FAT1: variants seen among roughly 807,000 people sequenced by gnomAD.
The protein encoded by FAT1 is FAT atypical cadherin 1.
FAT1 carries 171 observed loss-of-function variants against 329.8 expected under a neutral mutation model. That is an observed-to-expected ratio of 0.52 (90% confidence interval 0.46 to 0.59). FAT1 has a LOEUF of 0.59. FAT1 is among the 20% of genes least tolerant of loss of function. The probability of loss-of-function intolerance (pLI) is 0.00; values close to 1 mark genes in which losing one functional copy is unlikely to be tolerated. For missense variants in FAT1, 5,672 were observed against 5,774.4 expected (o/e 0.98, Z 0.57); for synonymous variants, 2,233 against 2,228.6 (o/e 1.00, Z -0.06).
intron 26 of FAT1, among the ~76,000 whole-genome samples, chr4:186,594,709 C>G (rs1452781226): frequency 7.5e-5 from 10 of 133,322 alleles, no homozygotes; most frequent in African/African-American, 1.4e-4. Flanking sequence ...TACTTGAAAT[C>G]AGAAATGATA....
intron 2 of FAT1, among the ~76,000 whole-genome samples, chr4:186,683,192 C>T (rs1743305531): frequency 6.6e-6 from 1 of 152,180 alleles, no homozygotes; most frequent in African/African-American, 2.4e-5. Flanking sequence ...TCTAAGGAGG[C>T]CATGCACACC....
intron 2 of FAT1, among the ~76,000 whole-genome samples, chr4:186,698,150 C>T (rs1368471147): frequency 6.6e-6 from 1 of 152,152 alleles, no homozygotes. Flanking sequence ...CTCTATCAGC[C>T]ACTGTGCTTA....
intron 1 of FAT1, among the ~76,000 whole-genome samples, chr4:186,721,082 A>G (rs990249748): frequency 7.2e-5 from 11 of 152,246 alleles, no homozygotes; most frequent in Non-Finnish European, 1.5e-4. Flanking sequence ...TCTAACCTTA[A>G]TATTCTATGA....
rs2126517125 is a variant in FAT1, at chr4:186,620,589, A to G, written c.5997T>C (p.Ala1999=). 3 of 1,613,950 alleles carry G rather than the reference A, an allele frequency of 1.9e-6. No homozygotes were observed. Among genetic ancestry groups the G allele is most frequent in the African/African-American group, 1.3e-5 (1 of 75,052 alleles). ...KENSTEAETL[A]VITAIGNPIN... is the part of the protein sequence containing the mutation. ...TTGGATTCCCAATAGCAGTAATGAC[A>G]GCTAATGTTTCGGCCTCGGTGGAAT... Residue 1999 remains alanine, a synonymous_variant, in exon 10 of 27, where the codon GCT becomes GCC. Coordinates refer to ENST00000441802, the MANE Select transcript of FAT1 (RefSeq NM_005245.4).
intron 1 of FAT1, among the ~76,000 whole-genome samples, chr4:186,717,307 C>T (rs1378377501): frequency 6.6e-6 from 1 of 152,154 alleles, no homozygotes; most frequent in Non-Finnish European, 1.5e-5. Context: ...ATATGATTTT[C>T]AGCATGAACG....
At chr4:186,660,719 G>GA (rs1742127672) in intron 3 of FAT1, among the ~76,000 whole-genome samples, 1 of 152,194 alleles carries the variant, frequency 6.6e-6, no homozygotes, top group African/African-American at 2.4e-5. Context: ...AGAGTTGTCA[G>GA]AATAGAGAGA....
chr4:186,599,231 A>T (rs1223472060), intron 22 of FAT1, among the ~76,000 whole-genome samples: 1 of 152,196 alleles, frequency 6.6e-6, no homozygotes, highest in Non-Finnish European at 1.5e-5. Flanking sequence ...TACCTCCCTG[A>T]GAGAACAGCA....
chr4:186,657,002 C>T (rs1289539921), intron 3 of FAT1, among the ~76,000 whole-genome samples: 1 of 152,066 alleles, frequency 6.6e-6, no homozygotes, highest in Non-Finnish European at 1.5e-5. Flanking sequence ...AATGAATGCA[C>T]TGGCAGTTGA....
intron 3 of FAT1, among the ~76,000 whole-genome samples, chr4:186,645,992 CACACACACACACAT>C (rs1741366357): frequency 3.4e-5 from 5 of 147,160 alleles, no homozygotes; most frequent in Non-Finnish European, 6.0e-5. Context: ...CACACACACA[CACACACACACACAT>C]GAAAGATGGC....
chr4:186,620,399 C>G lies in FAT1; in HGVS notation c.6187G>C (p.Ala2063Pro), dbSNP rs2126515306. ...VTEEHKPSAV[A>P]HVVVKVIVED... is the part of the protein sequence containing the mutation. ...ACAATGACCTTCACGACAACGTGGG[C>G]CACTGCAGAAGGCTTATGTTCCTCT... The change falls in exon 10 of 27, where the codon GCC becomes CCC. Residue 2063 changes from alanine (A) to proline (P), a missense_variant. Transcript: ENST00000441802. 1 of 1,614,014 alleles carries G rather than the reference C, an allele frequency of 6.2e-7. No homozygotes were observed. Among genetic ancestry groups the G allele is most frequent in the Non-Finnish European group, 8.5e-7 (1 of 1,179,898 alleles).
In FAT1 at chr4:186,620,485, G is replaced by C; in HGVS notation, c.6101C>G (p.Thr2034Ser). The change falls in exon 10 of 27, where the codon ACC becomes AGC. Residue 2034 changes from threonine to serine, a missense_variant. Coordinates refer to ENST00000441802, the MANE Select transcript of FAT1 (RefSeq NM_005245.4). ...CTCACGATCGAAGGGCGTGCCAGTG[G>C]TTGACAGAACTCCTGAAGTGCGGCT... ...KISRTSGVLSTTGTPFDREQQ... is the reference protein window; with the variant it reads ...KISRTSGVLSSTGTPFDREQQ... 1 of 1,614,026 alleles carries C rather than the reference G, an allele frequency of 6.2e-7. No individual in the cohort carries two copies. Among genetic ancestry groups the C allele is most frequent in the East Asian group, 2.2e-5 (1 of 44,890 alleles).
At chr4:186,595,215 G>T (rs186199730) in intron 26 of FAT1, among the ~76,000 whole-genome samples, 2 of 152,266 alleles carry the variant, frequency 1.3e-5, no homozygotes, top group Non-Finnish European at 2.9e-5. Flanking sequence ...GGGGTTGGGG[G>T]AGGAGACAAA....
chr4:186,673,151 G>A (rs1218172648), intron 2 of FAT1, among the ~76,000 whole-genome samples: 2 of 152,144 alleles, frequency 1.3e-5, no homozygotes, highest in Non-Finnish European at 2.9e-5. Flanking sequence ...ACAATTATAT[G>A]TGCAGAGAAA....
intron 4 of FAT1, among the ~76,000 whole-genome samples, chr4:186,638,725 GGCA>G (rs1415492638): frequency 6.6e-6 from 1 of 152,016 alleles, no homozygotes; most frequent in Non-Finnish European, 1.5e-5. Flanking sequence ...AAATTAAGCA[GGCA>G]GCATTATAAA....
Position 186,619,535 on chromosome 4 carries a change from C to G in FAT1, c.7051G>C (p.Glu2351Gln), listed in dbSNP as rs544202909. The G allele has an allele frequency of 6.2e-7, 1 of 1,613,936 alleles. No individual in the cohort carries two copies. The highest frequency in any genetic ancestry group is 8.5e-7 in the Non-Finnish European group (1 of 1,179,902). Residue 2351 changes from glutamate to glutamine, a missense_variant, in exon 10 of 27, where the codon GAG (glutamate) becomes CAG (glutamine). By Grantham distance (29) the Glu-to-Gln change is conservative. Around this residue, in one of 2 missense-constraint regions of FAT1, gnomAD observed 3,966 missense variants for 3,915.2 expected, o/e 1.01. Transcript: ENST00000441802. ...LISLLRTLDYEQSRQHTIFVR... is the reference protein window; with the variant it reads ...LISLLRTLDYQQSRQHTIFVR... ...AAAATCGTGTGCTGCCGGGACTGCTCGTAATCCAGGGTTCTGAGTAGTGAG... is the reference window on the plus strand; with the variant it reads ...AAAATCGTGTGCTGCCGGGACTGCTGGTAATCCAGGGTTCTGAGTAGTGAG...
At position 186,709,639 on chromosome 4, in the gene FAT1, A is replaced by G. The variant is rs766223019; in HGVS notation, c.189T>C (p.Ile63=). Reference sequence around the variant, plus strand: ...ACCTTACTTCCCACGCTGGATGTGTAATGTAAACACCCATCTTGACAGGAT... The same window carrying G: ...ACCTTACTTCCCACGCTGGATGTGTGATGTAAACACCCATCTTGACAGGAT... The part of the protein sequence containing the change: ...VGHPVKMGVY[I]THPAWEVRYK... Residue 63 remains isoleucine (I), a synonymous_variant, in exon 2 of 27, where the codon ATT becomes ATC. Coordinates refer to ENST00000441802, the MANE Select transcript of FAT1 (RefSeq NM_005245.4). 2 of 1,614,000 alleles carry G rather than the reference A, an allele frequency of 1.2e-6. No individual in the cohort carries two copies. The highest frequency in any genetic ancestry group is 3.3e-5 in the Admixed American group (2 of 60,028).
At chr4:186,664,610 T>C (rs1021598252) in intron 2 of FAT1, among the ~76,000 whole-genome samples, 1 of 152,194 alleles carries the variant, frequency 6.6e-6, no homozygotes, top group Admixed American at 6.5e-5. Flanking sequence ...CAGTCAAAAC[T>C]TAACTTCAAG....
intron 1 of FAT1, among the ~76,000 whole-genome samples, chr4:186,718,589 C>T (rs990878510): frequency 6.6e-6 from 1 of 152,310 alleles, no homozygotes; most frequent in East Asian, 1.9e-4. Flanking sequence ...ATCGCTTGAA[C>T]CCGGGAGGCG....
Position 186,614,321 on chromosome 4 carries a change from A to G in FAT1, c.9099T>C (p.Pro3033=). The part of the protein sequence containing the change: ...CEKTLYSDTI[P]EDVLPGKLIM... ...TCAATTTTCCAGGAAGGACGTCTTC[A>G]GGAATAGTGTCTGAATATAAAGTCT... Residue 3033 remains proline (P), a synonymous_variant, in exon 12 of 27, where the codon CCT becomes CCC. Coordinates refer to ENST00000441802, the MANE Select transcript of FAT1 (RefSeq NM_005245.4). The G allele has an allele frequency of 6.4e-7, 1 of 1,572,690 alleles. No individual in the cohort carries two copies. Among genetic ancestry groups the G allele is most frequent in the African/African-American group, 1.4e-5 (1 of 72,462 alleles).
Sources: gnomAD v4.1 joint callset for allele counts (sites outside exome capture counted in the v4.1 genomes callset) on GRCh38, gnomAD v4.1.1 for gene constraint, gnomAD v4.1.1 regional missense constraint, MANE v1.5 for transcripts, NCBI Gene and HGNC (gene_info 2026-07-23, HGNC 2026-07-21) for gene names.